PTPRG: variants seen among roughly 807,000 people sequenced by gnomAD.
PTPRG encodes the protein protein tyrosine phosphatase receptor type G.
In PTPRG, 102 loss-of-function variants were observed where a neutral mutation model predicts 165.3. That is an observed-to-expected ratio of 0.62 (90% CI 0.53 to 0.73). The LOEUF is 0.73. Ranked by LOEUF, PTPRG falls within the 30% of genes least tolerant of loss-of-function variation. The pLI is 0.00. For synonymous variants in PTPRG, 675 were observed against 669.5 expected (o/e 1.01, Z -0.13); for missense variants, 1,866 against 1,861.4 (o/e 1.00, Z -0.05).
At chr3:61,860,088 C>T (rs1184377623) in intron 2 of PTPRG, among the ~76,000 whole-genome samples, 5 of 152,082 alleles carry the variant, frequency 3.3e-5, no homozygotes, top group African/African-American at 4.8e-5. Flanking sequence ...CATAAAATCA[C>T]GTGTGATTGC....
intron 1 of PTPRG, among the ~76,000 whole-genome samples, chr3:61,712,997 A>G (rs1432389434): frequency 1.3e-5 from 2 of 152,056 alleles, no homozygotes; most frequent in African/African-American, 2.4e-5. Flanking sequence ...TAACATACCA[A>G]CTTCAGGAAT....
In PTPRG at chr3:62,190,676, A is replaced by C. The variant is rs1045841072; in HGVS notation, c.1034-793A>C. Reference sequence around the variant, plus strand: ...GTGACTTTGCTTTAAAATTATTTAAAGTCTCATCTTAAATTTATTTATTTA... The same window carrying C: ...GTGACTTTGCTTTAAAATTATTTAACGTCTCATCTTAAATTTATTTATTTA... On this transcript the variant is annotated intron_variant, in intron 8 of 29. Transcript: ENST00000474889. The surrounding 1 kb of genome is among the most constrained non-coding windows in gnomAD (Gnocchi z 5.2). 3.3e-5 allele frequency among the ~76,000 whole-genome samples: 5 copies of C among 152,190 alleles called. No homozygotes were observed. Among genetic ancestry groups the C allele is most frequent in the Non-Finnish European group, 7.3e-5 (5 of 68,044 alleles).
chr3:62,105,669 T>C (rs1702449911), intron 5 of PTPRG, among the ~76,000 whole-genome samples: 1 of 152,200 alleles, frequency 6.6e-6, no homozygotes, highest in African/African-American at 2.4e-5. Context: ...GAACATATGC[T>C]AGAGCCACAA....
chr3:61,768,845 A>G (rs750678725), intron 2 of PTPRG, among the ~76,000 whole-genome samples: 17 of 152,128 alleles, frequency 1.1e-4, no homozygotes, highest in Non-Finnish European at 1.8e-4. Context: ...CTCAGTGTCT[A>G]CTATCATAAT....
chr3:61,609,397 A>T (rs1701104095), intron 1 of PTPRG, among the ~76,000 whole-genome samples: 1 of 152,120 alleles, frequency 6.6e-6, no homozygotes, highest in Admixed American at 6.5e-5. Context: ...TTTCTGGTGG[A>T]GTTTTCTGAG....
chr3:62,043,386 A>G (rs1391630569), intron 4 of PTPRG, among the ~76,000 whole-genome samples: 1 of 152,188 alleles, frequency 6.6e-6, no homozygotes, highest in Non-Finnish European at 1.5e-5. Context: ...TGCCTATTTC[A>G]GAATGATTTT....
In PTPRG at chr3:62,203,330, C is replaced by T; in HGVS notation, c.1535C>T (p.Thr512Ile). The part of the protein sequence containing the change: ...GSQATVASVV[T>I]STLLAGLGFG... Reference sequence around the variant, plus strand: ...CAGGCCACAGTGGCCTCGGTGGTCACCAGCACGCTGCTCGCCGGCCTGGGG... The same window carrying T: ...CAGGCCACAGTGGCCTCGGTGGTCATCAGCACGCTGCTCGCCGGCCTGGGG... Residue 512 changes from threonine to isoleucine, a missense_variant, in exon 12 of 30, where the codon ACC becomes ATC. This residue lies in a region of PTPRG where 1,452 missense variants were observed against 1,463.0 expected (regional missense o/e 0.99). Transcript: ENST00000474889. The surrounding 1 kb of genome is among the most constrained non-coding windows in gnomAD (Gnocchi z 6.4). 2 of 1,613,864 alleles carry T rather than the reference C, an allele frequency of 1.2e-6. No individual in the cohort carries two copies.
chr3:62,076,636 C>T (rs1474563720), intron 4 of PTPRG, among the ~76,000 whole-genome samples: 3 of 150,558 alleles, frequency 2.0e-5, no homozygotes, highest in African/African-American at 7.3e-5. Context: ...GGCTGGAGTG[C>T]AATGGCATGA....
At chr3:61,683,186 A>G (rs926859213) in intron 1 of PTPRG, among the ~76,000 whole-genome samples, 1 of 152,230 alleles carries the variant, frequency 6.6e-6, no homozygotes, top group African/African-American at 2.4e-5. Flanking sequence ...TTCAGTCAGC[A>G]TTGCAAAAGT....
chr3:61,952,125 A>G (rs1410064284), intron 2 of PTPRG, among the ~76,000 whole-genome samples: 1 of 150,924 alleles, frequency 6.6e-6, no homozygotes, highest in African/African-American at 2.4e-5. Context: ...TCAGAAAAAA[A>G]AAAAAAAAAA....
chr3:61,746,659 A>G (rs2106906110), intron 1 of PTPRG, among the ~76,000 whole-genome samples: 1 of 152,242 alleles, frequency 6.6e-6, no homozygotes, highest in African/African-American at 2.4e-5. Context: ...CAGTGTGCCC[A>G]TACCTGAATG....
chr3:61,823,399 A>T (rs2036012094), intron 2 of PTPRG, among the ~76,000 whole-genome samples: 1 of 152,174 alleles, frequency 6.6e-6, no homozygotes, highest in Admixed American at 6.5e-5. Context: ...CATGTTGAGC[A>T]GGATGGTCTC....
intron 5 of PTPRG, among the ~76,000 whole-genome samples, chr3:62,098,970 T>TAGAC (rs1702202434): frequency 1.3e-5 from 2 of 152,216 alleles, no homozygotes; most frequent in African/African-American, 2.4e-5. Context: ...GTAGTGCCAC[T>TAGAC]AGACAGACAC....
intron 2 of PTPRG, among the ~76,000 whole-genome samples, chr3:61,753,258 A>T (rs1459580776): frequency 6.6e-6 from 1 of 152,224 alleles, no homozygotes; most frequent in Non-Finnish European, 1.5e-5. Flanking sequence ...ATTGATTTAT[A>T]TCTTTGGATT....
In PTPRG at chr3:61,643,648, C is replaced by T. The variant is rs144091179; in HGVS notation, c.85+81276C>T. Among the ~76,000 whole-genome samples the T allele has an allele frequency of 1.2e-4, 18 of 152,044 alleles. No individual in the cohort carries two copies. In the East Asian group the frequency reaches 2.5e-3, roughly 21 times the overall value. ...TACAAAAATTAGCTGGGAATGGTGG[C>T]GCACGCCTGTAATCCCAGACAGGAG... On this transcript the variant is annotated intron_variant, in intron 1 of 29. Transcript: ENST00000474889.
chr3:62,004,712 C>A (rs1443947986), intron 4 of PTPRG, among the ~76,000 whole-genome samples: 1 of 152,204 alleles, frequency 6.6e-6, no homozygotes, highest in African/African-American at 2.4e-5. Context: ...CCTGGTGTTT[C>A]AGTAACAGTT....
intron 1 of PTPRG, among the ~76,000 whole-genome samples, chr3:61,717,714 G>C (rs2031866653): frequency 6.6e-6 from 1 of 152,048 alleles, no homozygotes; most frequent in African/African-American, 2.4e-5. Flanking sequence ...ATTTGAACCT[G>C]GGAGTTGCAG....
At position 61,703,399 on chromosome 3, in the gene PTPRG, G is replaced by A. The variant is rs148009312; in HGVS notation, c.86-45479G>A. On this transcript the variant is annotated intron_variant, in intron 1 of 29. Transcript: ENST00000474889. ...AAATTTCATAAGATTGGTTTTGAGAGAGTAGCTGTGTCAACTAGGCTGACA... is the reference window on the plus strand; with the variant it reads ...AAATTTCATAAGATTGGTTTTGAGAAAGTAGCTGTGTCAACTAGGCTGACA... 1.1e-3 allele frequency among the ~76,000 whole-genome samples: 175 copies of A among 152,316 alleles called. 1 individual carries two copies. Among genetic ancestry groups the A allele is most frequent in the African/African-American group, 4.0e-3 (165 of 41,576 alleles).
intron 5 of PTPRG, among the ~76,000 whole-genome samples, chr3:62,100,825 A>G (rs1228459069): frequency 1.3e-5 from 2 of 152,144 alleles, no homozygotes; most frequent in Non-Finnish European, 2.9e-5. Flanking sequence ...AGGCTGTTTC[A>G]TATCCAGCCT....
Sources: gnomAD v4.1 joint callset for allele counts (sites outside exome capture counted in the v4.1 genomes callset) on GRCh38, gnomAD v4.1.1 for gene constraint, gnomAD v4.1.1 regional missense constraint, Gnocchi (gnomAD v3.1) non-coding constraint, MANE v1.5 for transcripts, NCBI Gene and HGNC (gene_info 2026-07-23, HGNC 2026-07-21) for gene names.